Variants in STX8 observed in about 807,000 individuals in gnomAD.
The protein encoded by STX8 is syntaxin 8, also known as syntaxin-8.
A neutral mutation model predicts 37.5 loss-of-function variants in STX8; 23 were observed. That is an observed-to-expected ratio of 0.61 (90% CI 0.44 to 0.87). The LOEUF (loss-of-function observed/expected upper bound fraction) is 0.87, where lower values mean the gene tolerates loss of function less well. Ranked by LOEUF, STX8 falls within the 40% of genes least tolerant of loss-of-function variation. STX8 has a pLI of 0.00. For synonymous variants in STX8, 115 were observed against 99.1 expected, an observed-to-expected ratio of 1.16 and a Z score of -0.95; for missense variants, 313 against 284.7, an observed-to-expected ratio of 1.10 and a Z score of -0.71.
intron 7 of STX8, among the ~76,000 whole-genome samples, chr17:9,286,632 G>T (rs544855588): frequency 1.3e-5 from 2 of 151,526 alleles, no homozygotes; most frequent in African/African-American, 2.4e-5. Flanking sequence ...CAGCTGCAGA[G>T]GCTGAGTCTT....
At chr17:9,435,589 C>T (rs1440628113) in intron 6 of STX8, among the ~76,000 whole-genome samples, 1 of 152,104 alleles carries the variant, frequency 6.6e-6, no homozygotes, top group Non-Finnish European at 1.5e-5. Flanking sequence ...CACCTAGAAC[C>T]ATAATAGGTA....
intron 7 of STX8, among the ~76,000 whole-genome samples, chr17:9,310,124 C>A (rs997204113): frequency 6.6e-6 from 1 of 150,898 alleles, no homozygotes; most frequent in African/African-American, 2.5e-5. Flanking sequence ...AGAAAATGAA[C>A]CCTCATTTTT....
At chr17:9,299,602 C>G (rs1329001588) in intron 7 of STX8, among the ~76,000 whole-genome samples, 1 of 152,020 alleles carries the variant, frequency 6.6e-6, no homozygotes, top group African/African-American at 2.4e-5. Context: ...CGCCACCACA[C>G]CCGGCTAATT....
chr17:9,331,453 T>A (rs1909958976), intron 7 of STX8, among the ~76,000 whole-genome samples: 1 of 152,112 alleles, frequency 6.6e-6, no homozygotes. Context: ...GAGTATGAAT[T>A]GCTTTAATTT....
At chr17:9,339,534 A>G (rs968997699) in intron 7 of STX8, among the ~76,000 whole-genome samples, 1 of 152,152 alleles carries the variant, frequency 6.6e-6, no homozygotes, top group Non-Finnish European at 1.5e-5. Context: ...GGTGCCTGTA[A>G]TCCCAGCTAC....
chr17:9,384,880 G>A (rs1248291648), intron 6 of STX8, among the ~76,000 whole-genome samples: 1 of 149,860 alleles, frequency 6.7e-6, no homozygotes, highest in African/African-American at 2.5e-5. Flanking sequence ...TTCAACATAT[G>A]GTGCTGGAAA....
chr17:9,522,506 G>A (rs1597722629), intron 4 of STX8, among the ~76,000 whole-genome samples: 1 of 142,930 alleles, frequency 7.0e-6, no homozygotes, highest in African/African-American at 2.6e-5. Context: ...GACCATCCAG[G>A]CTAACACGGT....
rs542989184 is a variant in STX8 at position 9,551,892 on chromosome 17, A to G, written c.212+5542T>C. On this transcript the variant is annotated intron_variant, in intron 3 of 7. Coordinates refer to ENST00000306357, the MANE Select transcript of STX8 (RefSeq NM_004853.3). ...GACCAGTAATATGTCCAAAAAAACT[A>G]GGGGGGGGTGTAACTTATATAGAAT... Among the ~76,000 whole-genome samples the G allele has an allele frequency of 5.5e-3, 829 of 151,078 alleles. 12 individuals carry two copies. Among genetic ancestry groups the G allele is most frequent in the African/African-American group, 0.019 (772 of 41,178 alleles).
intron 7 of STX8, among the ~76,000 whole-genome samples, chr17:9,258,259 CAGG>C (rs980087456): frequency 2.0e-5 from 3 of 152,308 alleles, no homozygotes; most frequent in South Asian, 2.1e-4. Context: ...GGGGAATAAG[CAGG>C]AGAAGAGACA....
intron 7 of STX8, among the ~76,000 whole-genome samples, chr17:9,281,700 G>A (rs546611093): frequency 2.6e-5 from 4 of 152,292 alleles, no homozygotes; most frequent in Admixed American, 2.0e-4. Flanking sequence ...TTGGGAGGCC[G>A]AGGCAGGTGG....
intron 4 of STX8, among the ~76,000 whole-genome samples, chr17:9,525,753 T>C (rs1905542139): frequency 6.6e-6 from 1 of 152,224 alleles, no homozygotes; most frequent in African/African-American, 2.4e-5. Context: ...TTGTGCAAGA[T>C]AGAAAGACAT....
intron 7 of STX8, among the ~76,000 whole-genome samples, chr17:9,366,476 C>A (rs1158697028): frequency 6.6e-6 from 1 of 152,178 alleles, no homozygotes. Context: ...GTGATCTGCC[C>A]ACCTTGGCCT....
At chr17:9,556,798 CAT>C (rs1291282127) in intron 3 of STX8, 3 of 74,860 alleles carry the variant, frequency 4.0e-5, no homozygotes, top group Admixed American at 2.7e-4. Flanking sequence ...TATATATACA[CAT>C]ACATATATAT....
intron 6 of STX8, among the ~76,000 whole-genome samples, chr17:9,434,137 G>T (rs1904341453): frequency 6.6e-6 from 1 of 152,080 alleles, no homozygotes; most frequent in Non-Finnish European, 1.5e-5. Flanking sequence ...CTGAGTAGCT[G>T]GGATTACAGA....
intron 2 of STX8, among the ~76,000 whole-genome samples, chr17:9,563,134 G>C (rs954893506): frequency 1.3e-5 from 2 of 151,086 alleles, no homozygotes; most frequent in Non-Finnish European, 2.9e-5. Context: ...AAGAGTATCT[G>C]TCATTCATTC....
At chr17:9,341,712 C>T (rs8071087) in intron 7 of STX8, among the ~76,000 whole-genome samples, 15,388 of 152,188 alleles carry the variant, frequency 0.1, 860 homozygotes, top group African/African-American at 0.11. Context: ...GCTGGGATTA[C>T]AGGCATGAGC....
chr17:9,300,412 C>G (rs950727421), intron 7 of STX8, among the ~76,000 whole-genome samples: 12 of 151,590 alleles, frequency 7.9e-5, no homozygotes, highest in Non-Finnish European at 1.5e-4. Context: ...TGAGTCATGA[C>G]CTCCCCAAAT....
chr17:9,434,193 C>T (rs1904343163), intron 6 of STX8, among the ~76,000 whole-genome samples: 1 of 152,128 alleles, frequency 6.6e-6, no homozygotes, highest in Non-Finnish European at 1.5e-5. Context: ...TTAGTACAGA[C>T]AGGGTTTCAC....
chr17:9,340,544 G>C (rs1424386318), intron 7 of STX8, among the ~76,000 whole-genome samples: 2 of 150,930 alleles, frequency 1.3e-5, no homozygotes, highest in Non-Finnish European at 2.9e-5. Flanking sequence ...TTCAACTCCT[G>C]ATTTTCCAGA....
Sources: gnomAD v4.1 joint callset for allele counts (sites outside exome capture counted in the v4.1 genomes callset) on GRCh38, gnomAD v4.1.1 for gene constraint, MANE v1.5 for transcripts, NCBI Gene and HGNC (gene_info 2026-07-23, HGNC 2026-07-21) for gene names.